The following PACSIN1 variants were observed in gnomAD, a reference collection of about 807,000 sequenced individuals.
PACSIN1 encodes the protein protein kinase C and casein kinase substrate in neurons protein 1.
Under a neutral mutation model 59.5 loss-of-function variants are expected in PACSIN1, and 15 were observed. That is an observed-to-expected ratio of 0.25 (90% CI 0.17 to 0.39). The LOEUF (loss-of-function observed/expected upper bound fraction) is 0.39, where lower values mean the gene tolerates loss of function less well. Ranked by LOEUF, PACSIN1 falls within the 10% of genes least tolerant of loss-of-function variation. PACSIN1 has a pLI of 1.00. For missense variants in PACSIN1, 420 were observed against 580.2 expected (o/e 0.72, Z 2.84); for synonymous variants, 210 against 220.6 (o/e 0.95, Z 0.42).
chr6:34,473,575 C>G (rs779961182), intron 1 of PACSIN1, among the ~76,000 whole-genome samples: 1 of 151,988 alleles, frequency 6.6e-6, no homozygotes. Context: ...CCACTGAGGA[C>G]AAGAGGGGCA....
chr6:34,504,571 G>A (rs1047472308), intron 1 of PACSIN1, among the ~76,000 whole-genome samples: 2 of 152,226 alleles, frequency 1.3e-5, no homozygotes, highest in Non-Finnish European at 1.5e-5. Context: ...GATTGCAGGC[G>A]TGAGCCACAC....
chr6:34,529,906 G>A lies in PACSIN1; in HGVS notation c.788+65G>A. ...CAGCAGATGGTGTGACTGGCATGCA[G>A]GGCATCCCAGCCCTCCATCACAGTG... is the stretch of plus-strand genomic sequence containing the variant. On this transcript the variant is annotated intron_variant, in intron 6 of 9. Coordinates refer to ENST00000244458, the MANE Select transcript of PACSIN1 (RefSeq NM_020804.5). The surrounding 1 kb of genome is among the most constrained non-coding windows in gnomAD (Gnocchi z 6.3). 1 of 1,512,454 alleles carries A rather than the reference G, an allele frequency of 6.6e-7. No individual in the cohort carries two copies. The highest frequency in any genetic ancestry group is 9.0e-7 in the Non-Finnish European group (1 of 1,108,434). The allele number at this position is 1,512,454 out of a possible 1,614,324, so 93.7% of individuals were successfully genotyped here. A position where few individuals can be genotyped will look rare whatever the true frequency, so the allele number is the denominator to read the frequency against.
At chr6:34,497,159 A>G (rs1388752712) in intron 1 of PACSIN1, among the ~76,000 whole-genome samples, 4 of 151,932 alleles carry the variant, frequency 2.6e-5, no homozygotes, top group Non-Finnish European at 5.9e-5. Context: ...CATGTTGGCC[A>G]GGCTGGTTTC....
At chr6:34,492,943 A>G (rs955610455) in intron 1 of PACSIN1, among the ~76,000 whole-genome samples, 9 of 152,238 alleles carry the variant, frequency 5.9e-5, no homozygotes, top group African/African-American at 2.2e-4. Context: ...AGTTAGAAAT[A>G]AATAAAAACC....
intron 1 of PACSIN1, among the ~76,000 whole-genome samples, chr6:34,522,865 A>T (rs1252883619): frequency 6.6e-5 from 10 of 152,186 alleles, no homozygotes; most frequent in Admixed American, 6.5e-4. Context: ...CGTCAGCTCC[A>T]GAAGAGAGCA....
Position 34,487,666 on chromosome 6 carries a change from A to T in PACSIN1, c.-64+21396A>T, listed in dbSNP as rs76439083. 9.0e-3 allele frequency among the ~76,000 whole-genome samples: 1,365 copies of T among 152,276 alleles called. 17 individuals carry two copies. The highest frequency in any genetic ancestry group is 0.03 in the African/African-American group (1,257 of 41,542). On this transcript the variant is annotated intron_variant, in intron 1 of 9. Coordinates refer to ENST00000244458, the MANE Select transcript of PACSIN1 (RefSeq NM_020804.5). The stretch of plus-strand genomic sequence containing the variant: ...TGGGGTGACTCTTGAACATCATACC[A>T]TATTAAGACAAGGGGCCAGGGCTTT...
At chr6:34,479,097 G>GC (rs1766680287) in intron 1 of PACSIN1, among the ~76,000 whole-genome samples, 1 of 152,168 alleles carries the variant, frequency 6.6e-6, no homozygotes, top group Admixed American at 6.5e-5. Context: ...TGAGGGCAGT[G>GC]CCCCATAATC....
chr6:34,518,128 T>C lies in PACSIN1; in HGVS notation c.-63-8115T>C, dbSNP rs913353696. 5.3e-5 allele frequency among the ~76,000 whole-genome samples: 8 copies of C among 152,232 alleles called. No homozygotes were observed. The South Asian group carries it at 6.2e-4, about 12-fold the overall frequency. On this transcript the variant is annotated intron_variant, in intron 1 of 9. Transcript: ENST00000244458. This position sits in a 1 kb window ranked among gnomAD's most constrained non-coding sequence, Gnocchi z 4.4. ...CCAATCCAGCTGTGACCAGAGCTGC[T>C]CTGCCCGGCCAGGCCCCGGAAGAGG...
At chr6:34,496,673 T>C (rs944326667) in intron 1 of PACSIN1, among the ~76,000 whole-genome samples, 3 of 152,226 alleles carry the variant, frequency 2.0e-5, no homozygotes, top group Non-Finnish European at 4.4e-5. Context: ...TCTCTGGTCA[T>C]CTTTCTGTAC....
rs547677634 is a variant in PACSIN1 at position 34,517,702 on chromosome 6, T to G, written c.-63-8541T>G. ...TCAGAATGACCTTCTCTGACCATCCTCCATAAAAAAGCACAACTCCTCGCC... is the reference window on the plus strand; with the variant it reads ...TCAGAATGACCTTCTCTGACCATCCGCCATAAAAAAGCACAACTCCTCGCC... On this transcript the variant is annotated intron_variant, in intron 1 of 9. Transcript: ENST00000244458. Among the ~76,000 whole-genome samples the G allele has an allele frequency of 5.3e-5, 8 of 150,324 alleles. No homozygotes were observed. In the South Asian group the frequency reaches 1.7e-3, roughly 32 times the overall value.
intron 1 of PACSIN1, among the ~76,000 whole-genome samples, chr6:34,501,108 T>G (rs1767016454): frequency 6.6e-6 from 1 of 152,254 alleles, no homozygotes; most frequent in African/African-American, 2.4e-5. Flanking sequence ...TCTTATCATT[T>G]GTGTGTTCAC....
At chr6:34,470,689 G>C (rs1316234556) in intron 1 of PACSIN1, among the ~76,000 whole-genome samples, 1 of 151,908 alleles carries the variant, frequency 6.6e-6, no homozygotes, top group Admixed American at 6.6e-5. Context: ...TTATTGTAGA[G>C]ATGGGGTCTT....
In PACSIN1 at chr6:34,532,319, G is replaced by A; in HGVS notation, c.1226-102G>A. On this transcript the variant is annotated intron_variant, in intron 9 of 9. Coordinates refer to ENST00000244458, the MANE Select transcript of PACSIN1 (RefSeq NM_020804.5). The surrounding 1 kb of genome is among the most constrained non-coding windows in gnomAD (Gnocchi z 5.2). ...GGGGCCTAAGAATCTAAAACCCAGT[G>A]CAGTAATCAGGAGGTGGGTATTGGA... 2 of 746,856 alleles carry A rather than the reference G, an allele frequency of 2.7e-6. No homozygotes were observed. Among genetic ancestry groups the A allele is most frequent in the Non-Finnish European group, 4.6e-6 (2 of 437,754 alleles). 46.3% of individuals were successfully genotyped at this position (746,856 alleles called of 1,614,324 possible).
In PACSIN1 at chr6:34,525,132, C is replaced by G. The variant is rs1271094541; in HGVS notation, c.-63-1111C>G. Reference sequence around the variant, plus strand: ...GAAAAATTCAGACTCATTTCTTTGTCCCTTGATGAAATCCAGCCGTCCTCC... The same window carrying G: ...GAAAAATTCAGACTCATTTCTTTGTGCCTTGATGAAATCCAGCCGTCCTCC... On this transcript the variant is annotated intron_variant, in intron 1 of 9. Transcript: ENST00000244458. The surrounding 1 kb of genome is among the most constrained non-coding windows in gnomAD (Gnocchi z 4.9). Among the ~76,000 whole-genome samples, 1 of 152,216 alleles carries G rather than the reference C, an allele frequency of 6.6e-6. No individual in the cohort carries two copies. The highest frequency in any genetic ancestry group is 1.5e-5 in the Non-Finnish European group (1 of 68,044).
At position 34,530,599 on chromosome 6, in the gene PACSIN1, C is replaced by T; in HGVS notation, c.1037+12C>T. The T allele has an allele frequency of 6.5e-7, 1 of 1,545,538 alleles. No individual in the cohort carries two copies. Among genetic ancestry groups the T allele is most frequent in the Non-Finnish European group, 8.7e-7 (1 of 1,148,014 alleles). On this transcript the variant is annotated intron_variant, in intron 8 of 9. Transcript: ENST00000244458. The surrounding 1 kb of genome is among the most constrained non-coding windows in gnomAD (Gnocchi z 4.4). ...GGGGACCGCGGCAGGTGAGTGCCTC[C>T]TGTGGAGCTTCCTGGGGCCAAGAGG...
intron 1 of PACSIN1, among the ~76,000 whole-genome samples, chr6:34,475,159 A>AC (rs1161856702): frequency 6.6e-6 from 1 of 151,966 alleles, no homozygotes; most frequent in African/African-American, 2.4e-5. Context: ...TGTCCCCCTT[A>AC]CCTGCCCAAG....
chr6:34,498,796 CAAA>C (rs1228510694), intron 1 of PACSIN1, among the ~76,000 whole-genome samples: 14 of 95,582 alleles, frequency 1.5e-4, no homozygotes, highest in African/African-American at 4.0e-4. Context: ...GACTTTGTCT[CAAA>C]AAAAAAAAAA....
chr6:34,528,902 C>CCCGGGGGG, intron 4 of PACSIN1, 25 bp downstream of exon 4: 4 of 268,072 alleles, frequency 1.5e-5, no homozygotes, highest in East Asian at 7.8e-5. Context: ...CTGCCACGGG[C>CCCGGGGGG]GGGGTGGGGT....
chr6:34,467,367 G>C (rs1766510644), intron 1 of PACSIN1, among the ~76,000 whole-genome samples: 1 of 152,176 alleles, frequency 6.6e-6, no homozygotes, highest in South Asian at 2.1e-4. Context: ...CTGCACCAAA[G>C]CAGGGTTTGG....
Sources: gnomAD v4.1 joint callset for allele counts (sites outside exome capture counted in the v4.1 genomes callset) on GRCh38, gnomAD v4.1.1 for gene constraint, Gnocchi (gnomAD v3.1) non-coding constraint, MANE v1.5 for transcripts, NCBI Gene and HGNC (gene_info 2026-07-23, HGNC 2026-07-21) for gene names.